The following PLA2G6 variants were observed in gnomAD, a reference collection of about 807,000 sequenced individuals.
The protein encoded by PLA2G6 is 85/88 kDa calcium-independent phospholipase A2.
A neutral mutation model predicts 83.8 loss-of-function variants in PLA2G6; 62 were observed. That is an observed-to-expected ratio of 0.74 (90% CI 0.60 to 0.91). PLA2G6 has a LOEUF of 0.91. PLA2G6 is among the 40% of genes least tolerant of loss of function. The probability of loss-of-function intolerance (pLI) is 0.00; values close to 1 mark genes in which losing one functional copy is unlikely to be tolerated. For missense variants in PLA2G6, 944 were observed against 1,102.0 expected, an observed-to-expected ratio of 0.86 and a Z score of 2.03; for synonymous variants, 417 against 449.8, an observed-to-expected ratio of 0.93 and a Z score of 0.92.
At chr22:38,152,160 G>A (rs1238903836) in intron 2 of PLA2G6, among the ~76,000 whole-genome samples, 5 of 152,106 alleles carry the variant, frequency 3.3e-5, no homozygotes, top group Admixed American at 3.3e-4. Flanking sequence ...TGGGGTGGGG[G>A]TGAGTGAGTT....
Position 38,128,226 on chromosome 22 carries a change from T to C in PLA2G6, c.1348+43A>G, listed in dbSNP as rs554631405. ...TGGGGCCTGCTGTGATCCAGGGGCC[T>C]GGGAACCAGCTGGAGAAGAGGGAGT... On this transcript the variant is annotated intron_variant, in intron 9 of 16. Coordinates refer to ENST00000332509, the MANE Select transcript of PLA2G6 (RefSeq NM_003560.4). This position sits in a 1 kb window ranked among gnomAD's most constrained non-coding sequence, Gnocchi z 4.4. The C allele has an allele frequency of 6.2e-7, 1 of 1,605,092 alleles. No individual in the cohort carries two copies. The highest frequency in any genetic ancestry group is 1.3e-5 in the African/African-American group (1 of 74,842).
At chr22:38,120,648 A>T in intron 12 of PLA2G6, 111 bp downstream of exon 12, 1 of 1,339,918 alleles carries the variant, frequency 7.5e-7, no homozygotes, top group Non-Finnish European at 1.1e-6. Context: ...TGCTCCCCTC[A>T]AGCGTGGGGC....
chr22:38,178,884 C>G (rs1460998252), intron 1 of PLA2G6, among the ~76,000 whole-genome samples: 2 of 149,556 alleles, frequency 1.3e-5, no homozygotes, highest in Admixed American at 1.3e-4. Context: ...AACAACCAAC[C>G]AACCAAAAAA....
chr22:38,131,804 C>T (rs373244927), intron 7 of PLA2G6: 3 of 264,664 alleles, frequency 1.1e-5, no homozygotes, highest in South Asian at 3.5e-5. Context: ...AAAACGTGCA[C>T]ACGGTGGGGC....
chr22:38,123,200 G>A lies in PLA2G6; in HGVS notation c.1486C>T (p.Leu496Phe), dbSNP rs368487831. 1.7e-5 allele frequency: 27 copies of A among 1,554,208 alleles called. No homozygotes were observed. In the African/African-American group the frequency reaches 2.7e-4, roughly 16 times the overall value. ...GAGGCCTTCTCGATGGCGATGAGGA[G>A]CTGGATGATGATGAGGCCTTTCACT... The part of the protein sequence containing the change: ...GGVKGLIIIQ[L>F]LIAIEKASGV... Residue 496 changes from leucine to phenylalanine, a missense_variant, in exon 11 of 17, where the codon CTC becomes TTC. Leu to Phe is a conservative substitution (Grantham distance 22, BLOSUM62 0). Transcript: ENST00000332509. This position sits in a 1 kb window ranked among gnomAD's most constrained non-coding sequence, Gnocchi z 4.1.
At chr22:38,167,303 A>G (rs957765222) in intron 2 of PLA2G6, among the ~76,000 whole-genome samples, 14 of 152,178 alleles carry the variant, frequency 9.2e-5, no homozygotes, top group Admixed American at 2.0e-4. Flanking sequence ...GTAGCTAAGA[A>G]GCTGCTGACA....
chr22:38,176,641 G>C (rs1224245671), intron 1 of PLA2G6, among the ~76,000 whole-genome samples: 2 of 152,156 alleles, frequency 1.3e-5, no homozygotes, highest in Non-Finnish European at 2.9e-5. Flanking sequence ...CAGCACGGGA[G>C]CATGCCACCA....
At chr22:38,140,723 AC>A (rs1419681936) in intron 4 of PLA2G6, 4 of 159,438 alleles carry the variant, frequency 2.5e-5, no homozygotes, top group African/African-American at 9.6e-5. Context: ...ACATGCAGGT[AC>A]TATGTTTTCA....
At chr22:38,148,397 A>T in intron 2 of PLA2G6, 1 of 668,160 alleles carries the variant, frequency 1.5e-6, no homozygotes, top group Admixed American at 2.3e-5. Context: ...AATGTGAAAC[A>T]GACCACCTAC....
At chr22:38,176,759 C>T (rs1426377559) in intron 1 of PLA2G6, among the ~76,000 whole-genome samples, 1 of 152,148 alleles carries the variant, frequency 6.6e-6, no homozygotes, top group South Asian at 2.1e-4. Flanking sequence ...AAGGCGCAGC[C>T]GGGCGCGGTG....
Position 38,129,677 on chromosome 22 carries a change from CG to C in PLA2G6, c.1078-116del. 4.0e-6 allele frequency: 3 copies of C among 755,150 alleles called. No individual in the cohort carries two copies. The South Asian group carries it at 4.3e-5, about 11-fold the overall frequency. 46.8% of individuals were successfully genotyped at this position (755,150 alleles called of 1,614,324 possible). ...TCACCCAGCGGGCCTCTCCTCAGCA[CG>C]GGGAGACACTGGAACCCTCCTCACC... On this transcript the variant is annotated intron_variant, in intron 7 of 16. Transcript: ENST00000332509.
At chr22:38,172,639 T>G (rs1005080053) in intron 1 of PLA2G6, among the ~76,000 whole-genome samples, 1 of 152,232 alleles carries the variant, frequency 6.6e-6, no homozygotes, top group Non-Finnish European at 1.5e-5. Flanking sequence ...CCTGTGGGAC[T>G]CAGGCCTGGC....
intron 5 of PLA2G6, chr22:38,135,324 T>C: frequency 3.8e-6 from 2 of 523,278 alleles, no homozygotes; most frequent in Non-Finnish European, 7.0e-6. Flanking sequence ...CCCTCCCTGG[T>C]ACTGGCTTTA....
chr22:38,175,942 T>C (rs2090614506), intron 1 of PLA2G6, among the ~76,000 whole-genome samples: 1 of 152,202 alleles, frequency 6.6e-6, no homozygotes, highest in Non-Finnish European at 1.5e-5. Flanking sequence ...CCAGCACCTC[T>C]GAAGCCCCCA....
intron 2 of PLA2G6, among the ~76,000 whole-genome samples, chr22:38,151,966 T>C (rs1411068187): frequency 6.6e-6 from 1 of 152,196 alleles, no homozygotes; most frequent in Admixed American, 6.5e-5. Context: ...CTAACTCTAT[T>C]TTCCAAGGCT....
chr22:38,146,712 A>G (rs1427800132), intron 2 of PLA2G6: 3 of 152,014 alleles, frequency 2.0e-5, no homozygotes, highest in Non-Finnish European at 4.4e-5. Flanking sequence ...ATAACTATGT[A>G]ATAAACTATT....
At chr22:38,148,280 T>G (rs980009269) in intron 2 of PLA2G6, 11 of 507,698 alleles carry the variant, frequency 2.2e-5, no homozygotes, top group African/African-American at 1.8e-4. Flanking sequence ...GAGGAGCAAA[T>G]AAAGGAAAGG....
chr22:38,157,710 T>C (rs960171884), intron 2 of PLA2G6, among the ~76,000 whole-genome samples: 5 of 152,032 alleles, frequency 3.3e-5, no homozygotes, highest in African/African-American at 1.2e-4. Context: ...CTCAACAAAA[T>C]ACCAGCAAAT....
intron 2 of PLA2G6, among the ~76,000 whole-genome samples, chr22:38,155,615 A>T (rs2145873902): frequency 6.6e-6 from 1 of 152,338 alleles, no homozygotes; most frequent in Middle Eastern, 3.4e-3. Flanking sequence ...TCAGTTTAAA[A>T]TATTAGGTTA....
Sources: gnomAD v4.1 joint callset for allele counts (sites outside exome capture counted in the v4.1 genomes callset) on GRCh38, gnomAD v4.1.1 for gene constraint, Gnocchi (gnomAD v3.1) non-coding constraint, MANE v1.5 for transcripts, NCBI Gene and HGNC (gene_info 2026-07-23, HGNC 2026-07-21) for gene names.